ITGA11: variants seen among roughly 807,000 people sequenced by gnomAD.
The protein encoded by ITGA11 is integrin alpha-11.
In ITGA11, 97 loss-of-function variants were observed where a neutral mutation model predicts 141.9. That is an observed-to-expected ratio of 0.68 (90% CI 0.58 to 0.81). ITGA11 has a LOEUF of 0.81. ITGA11 is among the 30% of genes least tolerant of loss of function. The pLI, the probability that ITGA11 is intolerant of heterozygous loss-of-function variation, is 0.00. For synonymous variants in ITGA11, 658 were observed against 624.6 expected (o/e 1.05, Z -0.80); for missense variants, 1,387 against 1,559.2 (o/e 0.89, Z 1.86).
chr15:68,370,617 A>T (rs1595881756), intron 2 of ITGA11, among the ~76,000 whole-genome samples: 1 of 152,280 alleles, frequency 6.6e-6, no homozygotes, highest in Non-Finnish European at 1.5e-5. Flanking sequence ...AGTGGCTAAG[A>T]ACGGTAACCC....
At position 68,339,624 on chromosome 15, in the gene ITGA11, G is replaced by T; in HGVS notation, c.1152C>A (p.Ala384=). 2 of 1,613,918 alleles carry T rather than the reference G, an allele frequency of 1.2e-6. No homozygotes were observed. The highest frequency in any genetic ancestry group is 1.7e-6 in the Non-Finnish European group (2 of 1,179,880). Residue 384 remains alanine (A), a synonymous_variant, in exon 11 of 30, where the codon GCC becomes GCA. Transcript: ENST00000315757. The part of the protein sequence containing the change: ...HVVEDGVLLG[A]VGAYDWNGAV... ...CTCCATTCCAGTCATAGGCACCGAC[G>T]GCTCCCAGCAGAACCCCATCCTGGC...
At chr15:68,431,433 C>G (rs946121673) in intron 1 of ITGA11, among the ~76,000 whole-genome samples, 5 of 152,240 alleles carry the variant, frequency 3.3e-5, no homozygotes, top group Non-Finnish European at 7.3e-5. Flanking sequence ...GCCGGGCAGA[C>G]GAGAGCTAGC....
rs1283465792 is a variant in ITGA11, at chr15:68,361,688, C to T, written c.374G>A (p.Trp125Ter). The change falls in exon 5 of 30, where the codon TGG (tryptophan) becomes TAG (stop). Residue 125 changes from tryptophan (W) to a stop codon, truncating the protein, a stop_gained. Transcript: ENST00000315757. LOFTEE classifies it high-confidence loss of function. ...GTAGGAGCTCCCACACTCATGAGACCAGAGGGGGCTGCAGGCCTGGGGAGG... is the reference window on the plus strand; with the variant it reads ...GTAGGAGCTCCCACACTCATGAGACTAGAGGGGGCTGCAGGCCTGGGGAGG... ...DNSFLACSPL[W>*]SHECGSSYYT... 1 of 1,606,716 alleles carries T rather than the reference C, an allele frequency of 6.2e-7. No individual in the cohort carries two copies.
intron 1 of ITGA11, among the ~76,000 whole-genome samples, chr15:68,421,516 C>G (rs1897016717): frequency 1.3e-5 from 2 of 152,148 alleles, no homozygotes; most frequent in Non-Finnish European, 2.9e-5. Flanking sequence ...GGTGGGAGAG[C>G]CTCAAGGTAC....
intron 10 of ITGA11, among the ~76,000 whole-genome samples, chr15:68,344,167 T>G (rs1041410448): frequency 3.3e-5 from 5 of 152,036 alleles, no homozygotes; most frequent in African/African-American, 9.7e-5. Flanking sequence ...CGCAAACCCT[T>G]GGGACCAGCG....
intron 1 of ITGA11, among the ~76,000 whole-genome samples, chr15:68,423,833 C>T (rs953431317): frequency 1.3e-5 from 2 of 152,080 alleles, no homozygotes; most frequent in Admixed American, 1.3e-4. Context: ...TCCTTCCTCA[C>T]CCAGCCTGGG....
intron 1 of ITGA11, among the ~76,000 whole-genome samples, chr15:68,406,950 TCACTCAGCTGGGGA>T (rs757354119): frequency 3.3e-5 from 5 of 152,174 alleles, no homozygotes; most frequent in Non-Finnish European, 4.4e-5. Context: ...TTTCCCCAAA[TCACTCAGCTGGGGA>T]CACATTAGCT....
At chr15:68,411,673 A>T (rs748486388) in intron 1 of ITGA11, among the ~76,000 whole-genome samples, 6 of 152,190 alleles carry the variant, frequency 3.9e-5, no homozygotes, top group Admixed American at 3.3e-4. Flanking sequence ...CATCAGTCTC[A>T]ATTCTTCACT....
Position 68,358,567 on chromosome 15 carries a change from T to A in ITGA11, c.491A>T (p.Asp164Val), listed in dbSNP as rs1895142957. 6.2e-7 allele frequency: 1 copy of A among 1,613,484 alleles called. No homozygotes were observed. The highest frequency in any genetic ancestry group is 1.7e-5 in the Admixed American group (1 of 59,902). The stretch of plus-strand genomic sequence containing the variant: ...GGAGCCATCCAGGACAATGACGATG[T>A]CCATGTAGGTCTGGCACCCTGGAAA... Reference protein sequence around the residue: ...PALQRCQTYMDIVIVLDGSNS... With the variant: ...PALQRCQTYMVIVIVLDGSNS... Residue 164 changes from aspartate (D) to valine (V), a missense_variant, in exon 6 of 30, where the codon GAC becomes GTC. Physicochemically the swap from Asp to Val is radical, Grantham distance 152. Coordinates refer to ENST00000315757, the MANE Select transcript of ITGA11 (RefSeq NM_001004439.2).
At chr15:68,357,432 CAAGA>C in intron 6 of ITGA11, 133 bp from the exon 7 acceptor site, 1 of 1,074,600 alleles carries the variant, frequency 9.3e-7, no homozygotes, top group Non-Finnish European at 1.3e-6. Context: ...AGGACCTTTC[CAAGA>C]AAGTAACCAC....
In ITGA11 at chr15:68,326,852, C is replaced by T; in HGVS notation, c.2069-56G>A. ...GGTGGAGCCACATGCCCATCCAAGA[C>T]TGTCTGCCTCCTCCAGGAAGCCCCC... On this transcript the variant is annotated intron_variant, in intron 16 of 29. Coordinates refer to ENST00000315757, the MANE Select transcript of ITGA11 (RefSeq NM_001004439.2). This position sits in a 1 kb window ranked among gnomAD's most constrained non-coding sequence, Gnocchi z 6.8. The T allele has an allele frequency of 4.0e-6, 6 of 1,516,988 alleles. No homozygotes were observed. The East Asian group carries it at 1.2e-4, about 31-fold the overall frequency. 94.0% of individuals were successfully genotyped at this position (1,516,988 alleles called of 1,614,324 possible).
chr15:68,393,333 G>T (rs1339032992), intron 2 of ITGA11, among the ~76,000 whole-genome samples: 3 of 152,130 alleles, frequency 2.0e-5, no homozygotes, highest in African/African-American at 7.2e-5. Flanking sequence ...TGAAGGTAGA[G>T]AATTTTCCAA....
At chr15:68,405,159 C>CGTTTTT (rs10647873) in intron 1 of ITGA11, among the ~76,000 whole-genome samples, 1,373 of 118,790 alleles carry the variant, frequency 0.012, 64 homozygotes, top group African/African-American at 0.031. Flanking sequence ...CACTGTCTCC[C>CGTTTTT]TTTTTTTTTT....
Position 68,325,558 on chromosome 15 carries a change from C to T in ITGA11, c.2212-317G>A, listed in dbSNP as rs1364202371. On this transcript the variant is annotated intron_variant, in intron 17 of 29. Transcript: ENST00000315757. This position sits in a 1 kb window ranked among gnomAD's most constrained non-coding sequence, Gnocchi z 5.5. ...GGCCTCTGGGAAGCCTGGCAGTGCCCGCCTGTATCCCACCCCACCCACCAC... is the reference window on the plus strand; with the variant it reads ...GGCCTCTGGGAAGCCTGGCAGTGCCTGCCTGTATCCCACCCCACCCACCAC... Among the ~76,000 whole-genome samples the T allele has an allele frequency of 6.6e-6, 1 of 152,208 alleles. No homozygotes were observed. Among genetic ancestry groups the T allele is most frequent in the Admixed American group, 6.5e-5 (1 of 15,286 alleles).
At chr15:68,320,148 A>G in intron 20 of ITGA11, 37 bp downstream of exon 20, 1 of 1,588,046 alleles carries the variant, frequency 6.3e-7, no homozygotes, top group Non-Finnish European at 8.6e-7. Context: ...CCTCTGTGCC[A>G]GGCAGAGGCA....
At chr15:68,396,271 CAAT>C (rs1896239478) in intron 2 of ITGA11, among the ~76,000 whole-genome samples, 2 of 151,830 alleles carry the variant, frequency 1.3e-5, no homozygotes, top group Non-Finnish European at 2.9e-5. Flanking sequence ...ATCAATCAAT[CAAT>C]CAATCAATGT....
chr15:68,351,305 CCTT>C lies in ITGA11; in HGVS notation c.844_846del (p.Lys282del). 6.2e-7 allele frequency: 1 copy of C among 1,614,036 alleles called. No homozygotes were observed. The highest frequency in any genetic ancestry group is 8.5e-7 in the Non-Finnish European group (1 of 1,179,890). Reference sequence around the variant, plus strand: ...TTGTCTCTTTCGCTTTGCTGGATCACCTTCTCCAGGTCTGGGCTGTCGTGGGAC... The same window carrying C: ...TTGTCTCTTTCGCTTTGCTGGATCACCTCCAGGTCTGGGCTGTCGTGGGAC... On this transcript the variant is annotated inframe_deletion, in exon 8 of 30. Transcript: ENST00000315757.
Position 68,297,203 on chromosome 15 carries a change from C to T in ITGA11, c.*5856G>A, listed in dbSNP as rs1892927598. On this transcript the variant is annotated 3_prime_UTR_variant, in exon 30 of 30. Transcript: ENST00000315757. ...GGTTCAAGCAGTCCTCCCACCTCAG[C>T]CTCTCAAAGTGTTGGGATTACAGAT... 1 of 152,212 alleles carries T rather than the reference C, an allele frequency of 6.6e-6. No individual in the cohort carries two copies. The highest frequency in any genetic ancestry group is 1.5e-5 in the Non-Finnish European group (1 of 68,064). The allele number at this position is 152,212 out of a possible 1,614,324, so 9.4% of individuals were successfully genotyped here. A position where few individuals can be genotyped will look rare whatever the true frequency, so the allele number is the denominator to read the frequency against.
At chr15:68,373,103 C>A (rs1895637894) in intron 2 of ITGA11, among the ~76,000 whole-genome samples, 1 of 151,878 alleles carries the variant, frequency 6.6e-6, no homozygotes, top group Non-Finnish European at 1.5e-5. Flanking sequence ...GTGTGTGTAC[C>A]CCACCCTGGA....
Sources: allele counts gnomAD v4.1 joint callset (sites outside exome capture counted in the v4.1 genomes callset), GRCh38; gene constraint gnomAD v4.1.1; non-coding constraint Gnocchi (gnomAD v3.1); transcripts MANE v1.5; gene names NCBI Gene and HGNC (gene_info 2026-07-23, HGNC 2026-07-21).